The following IL31RA variants were observed in gnomAD, a reference collection of about 807,000 sequenced individuals.
The protein encoded by IL31RA is interleukin-31 receptor subunit alpha.
IL31RA carries 66 observed loss-of-function variants against 83.7 expected under a neutral mutation model. That is an observed-to-expected ratio of 0.79 (90% CI 0.65 to 0.97). IL31RA has a LOEUF of 0.97. IL31RA is among the 50% of genes least tolerant of loss of function. The probability of loss-of-function intolerance (pLI) is 0.00; values close to 1 mark genes in which losing one functional copy is unlikely to be tolerated. For missense variants in IL31RA, 798 were observed against 919.4 expected (o/e 0.87, Z 1.71); for synonymous variants, 325 against 329.0 (o/e 0.99, Z 0.13).
chr5:55,878,711 T>TGATGC (rs1415067783), intron 4 of IL31RA, among the ~76,000 whole-genome samples: 1 of 152,120 alleles, frequency 6.6e-6, no homozygotes, highest in East Asian at 1.9e-4. Context: ...TGGAGTTCAG[T>TGATGC]GATGCCATCA....
intron 1 of IL31RA, 65 bp from the exon 2 acceptor site, chr5:55,859,444 A>G (rs1490584751): frequency 1.7e-6 from 2 of 1,155,102 alleles, no homozygotes; most frequent in Admixed American, 1.7e-5. Context: ...TCTATTTGCC[A>G]TTGGAAATAG....
chr5:55,906,049 G>A (rs1749127646), intron 8 of IL31RA, 57 bp from the exon 9 acceptor site: 3 of 1,557,144 alleles, frequency 1.9e-6, no homozygotes, highest in South Asian at 2.2e-5. Flanking sequence ...CAGTGTGGTT[G>A]TTGCATTTGG....
intron 1 of IL31RA, among the ~76,000 whole-genome samples, chr5:55,856,779 G>A (rs565580739): frequency 4.9e-4 from 75 of 152,278 alleles, no homozygotes; most frequent in Non-Finnish European, 9.0e-4. Context: ...ATTTCCTTTC[G>A]TAGATAGTAC....
chr5:55,913,418 T>G, intron 12 of IL31RA, 59 bp from the exon 13 acceptor site: 1 of 1,048,944 alleles, frequency 9.5e-7, no homozygotes, highest in Non-Finnish European at 1.5e-6. Context: ...AGTTAATCAT[T>G]GATTTTTGTC....
Position 55,916,977 on chromosome 5 carries a change from C to T in IL31RA, c.2152C>T (p.Gln718Ter), listed in dbSNP as rs1749827219. The T allele has an allele frequency of 6.2e-7, 1 of 1,613,990 alleles. No homozygotes were observed. ...PEGTRPEAKE[Q>*]LLFSGQSLVP... ...GGGGACCCGCCCAGAAGCCAAAGAGCAGCTTCTCTTTTCTGGTCAAAGTTT... is the reference window on the plus strand; with the variant it reads ...GGGGACCCGCCCAGAAGCCAAAGAGTAGCTTCTCTTTTCTGGTCAAAGTTT... Residue 718 changes from glutamine to a stop codon, truncating the protein, a stop_gained, in exon 15 of 15, where the codon CAG becomes TAG. Transcript: ENST00000652347. LOFTEE classifies it low-confidence loss of function (END_TRUNC).
intron 2 of IL31RA, among the ~76,000 whole-genome samples, chr5:55,861,515 G>A (rs973350947): frequency 1.3e-5 from 2 of 152,154 alleles, no homozygotes; most frequent in Non-Finnish European, 2.9e-5. Flanking sequence ...GATCTGAGGT[G>A]AAACAGTTTC....
chr5:55,854,171 G>C (rs186350497), intron 1 of IL31RA, among the ~76,000 whole-genome samples: 4 of 152,144 alleles, frequency 2.6e-5, no homozygotes, highest in Non-Finnish European at 5.9e-5. Flanking sequence ...GTTCCAACAT[G>C]ATAGTGCTTT....
chr5:55,908,604 G>A, intron 11 of IL31RA, 193 bp downstream of exon 11: 2 of 1,550,920 alleles, frequency 1.3e-6, no homozygotes, highest in South Asian at 1.2e-5. Flanking sequence ...TTAAATGAGA[G>A]TGAAGTGACA....
rs1410663048 is a variant in IL31RA, at chr5:55,915,779, T to G, written c.1818+851T>G. Among the ~76,000 whole-genome samples, 3 of 152,344 alleles carry G rather than the reference T, an allele frequency of 2.0e-5. No individual in the cohort carries two copies. The East Asian group carries it at 5.8e-4, about 29-fold the overall frequency. The stretch of plus-strand genomic sequence containing the variant: ...AATGTCATTTAGAGAGTAAATGGAT[T>G]CATAGGCAGTGCTCTCTGATAACTA... On this transcript the variant is annotated intron_variant, in intron 14 of 14. Coordinates refer to ENST00000652347, the MANE Select transcript of IL31RA (RefSeq NM_139017.7).
chr5:55,844,263 G>A, the IL31RA span, among the ~76,000 whole-genome samples: 1 of 152,124 alleles, frequency 6.6e-6, no homozygotes, highest in South Asian at 2.1e-4. Flanking sequence ...TTCAAAGTGA[G>A]GGAGGAATAA....
Position 55,872,350 on chromosome 5 carries a change from C to G in IL31RA, c.353C>G (p.Pro118Arg). 1 of 1,611,688 alleles carries G rather than the reference C, an allele frequency of 6.2e-7. No individual in the cohort carries two copies. The highest frequency in any genetic ancestry group is 8.5e-7 in the Non-Finnish European group (1 of 1,178,066). ...CGTGCTTCGTGCTCTTTTTTCCTTC[C>G]AAGAATAACGATCCCAGATAATTAT... ...ENRASCSFFL[P>R]RITIPDNYTI... The change falls in exon 4 of 15, where the codon CCA becomes CGA. Residue 118 changes from proline (P) to arginine (R), a missense_variant. Transcript: ENST00000652347.
In IL31RA at chr5:55,891,772, T is replaced by TC. The variant is rs1748015581; in HGVS notation, c.772+1637_772+1638insC. On this transcript the variant is annotated intron_variant, in intron 6 of 14. Coordinates refer to ENST00000652347, the MANE Select transcript of IL31RA (RefSeq NM_139017.7). ...GGGATTTGGACAAGATTTTTTTTTTTTTTTTTTTTTTTTTTTTTTTTGAGA... is the reference window on the plus strand; with the variant it reads ...GGGATTTGGACAAGATTTTTTTTTTTCTTTTTTTTTTTTTTTTTTTTTGAGA... Among the ~76,000 whole-genome samples the TC allele has an allele frequency of 1.8e-5, 2 of 113,262 alleles. 1 individual carries two copies. The highest frequency in any genetic ancestry group is 3.6e-5 in the Non-Finnish European group (2 of 56,060). The allele number at this position is 113,262 out of a possible 152,430, so 74.3% of individuals were successfully genotyped here. A position where few individuals can be genotyped will look rare whatever the true frequency, so the allele number is the denominator to read the frequency against.
intron 2 of IL31RA, among the ~76,000 whole-genome samples, chr5:55,866,176 T>C (rs985714397): frequency 6.6e-6 from 1 of 152,168 alleles, no homozygotes; most frequent in East Asian, 1.9e-4. Context: ...CCCTGTGTGC[T>C]ACATTCACCT....
chr5:55,845,029 A>G, the IL31RA span, among the ~76,000 whole-genome samples: 1 of 151,778 alleles, frequency 6.6e-6, no homozygotes, highest in Non-Finnish European at 1.5e-5. Context: ...TACTTTTTCC[A>G]CTCACCCTTA....
In IL31RA at chr5:55,891,761, A is replaced by ATTTTTTTTTTTTTTT. The variant is rs35672011; in HGVS notation, c.772+1644_772+1658dup. Among the ~76,000 whole-genome samples, 21 of 60,032 alleles carry ATTTTTTTTTTTTTTT rather than the reference A, an allele frequency of 3.5e-4. 3 individuals carry two copies. The highest frequency in any genetic ancestry group is 6.0e-4 in the East Asian group (1 of 1,656). 39.4% of individuals were successfully genotyped at this position (60,032 alleles called of 152,430 possible). A position where few individuals can be genotyped will look rare whatever the true frequency, so the allele number is the denominator to read the frequency against. ...TACAGGTTCCAGGGATTTGGACAAG[A>ATTTTTTTTTTTTTTT]TTTTTTTTTTTTTTTTTTTTTTTTT... On this transcript the variant is annotated intron_variant, in intron 6 of 14. Coordinates refer to ENST00000652347, the MANE Select transcript of IL31RA (RefSeq NM_139017.7).
intron 4 of IL31RA, among the ~76,000 whole-genome samples, chr5:55,876,301 G>A (rs868809597): frequency 1.3e-5 from 2 of 152,094 alleles, no homozygotes; most frequent in African/African-American, 4.8e-5. Context: ...AGCTACTCGG[G>A]AGGCTGAGGC....
Position 55,889,763 on chromosome 5 carries a change from G to A in IL31RA, c.607-207G>A, listed in dbSNP as rs1747864261. ...AGATACAGGAAATGGGAAGGGAGTT[G>A]GTGGTTCATGGGGATGTTCATATCT... On this transcript the variant is annotated intron_variant, in intron 5 of 14. Coordinates refer to ENST00000652347, the MANE Select transcript of IL31RA (RefSeq NM_139017.7). 2.0e-5 allele frequency among the ~76,000 whole-genome samples: 3 copies of A among 152,160 alleles called. No homozygotes were observed. In the South Asian group the frequency reaches 6.2e-4, roughly 31 times the overall value.
In IL31RA at chr5:55,906,126, A is replaced by C; in HGVS notation, c.1090A>C (p.Met364Leu). ...TTCAGCATTTCAGTGCATTGAGGTC[A>C]TGCAGGCCTGCGTTGCTGAGGACCA... is the stretch of plus-strand genomic sequence containing the variant. Reference protein sequence around the residue: ...QEKSFQCIEVMQACVAEDQLV... With the variant: ...QEKSFQCIEVLQACVAEDQLV... The change falls in exon 9 of 15, where the codon ATG becomes CTG. Residue 364 changes from methionine (M) to leucine (L), a missense_variant. Physicochemically the swap from Met to Leu is conservative, Grantham distance 15. Transcript: ENST00000652347. The C allele has an allele frequency of 6.2e-7, 1 of 1,614,206 alleles. No homozygotes were observed. Among genetic ancestry groups the C allele is most frequent in the Non-Finnish European group, 8.5e-7 (1 of 1,180,030 alleles).
At chr5:55,869,897 T>C (rs141639383) in intron 3 of IL31RA, among the ~76,000 whole-genome samples, 131 of 152,356 alleles carry the variant, frequency 8.6e-4, no homozygotes, top group East Asian at 7.9e-3. Flanking sequence ...CAGTCTGTGA[T>C]TCCAAATTCT....
Sources: gnomAD v4.1 joint callset for allele counts (sites outside exome capture counted in the v4.1 genomes callset) on GRCh38, gnomAD v4.1.1 for gene constraint, MANE v1.5 for transcripts, NCBI Gene and HGNC (gene_info 2026-07-23, HGNC 2026-07-21) for gene names.